DNAH9: variants seen among roughly 807,000 people sequenced by gnomAD.
DNAH9 encodes the protein dynein axonemal heavy chain 9, also known as DNAH9 variant protein.
In DNAH9, 345 loss-of-function variants were observed where a neutral mutation model predicts 471.6. The ratio of observed to expected loss-of-function variants is 0.73; its 90% CI spans 0.67 to 0.80. DNAH9 has a LOEUF of 0.80. Ranked by LOEUF, DNAH9 falls within the 30% of genes least tolerant of loss-of-function variation. The pLI, the probability that DNAH9 is intolerant of heterozygous loss-of-function variation, is 0.00. For missense variants in DNAH9, 5,407 were observed against 5,609.2 expected (o/e 0.96, Z 1.15); for synonymous variants, 2,093 against 2,123.6 (o/e 0.99, Z 0.40).
Position 11,854,218 on chromosome 17 carries a change from C to G in DNAH9, c.9723C>G (p.Ile3241Met). 1 of 1,614,188 alleles carries G rather than the reference C, an allele frequency of 6.2e-7. No individual in the cohort carries two copies. The highest frequency in any genetic ancestry group is 8.5e-7 in the Non-Finnish European group (1 of 1,180,038). ...ENIHENCLKAIRPYLQDPEFN... is the reference protein window; with the variant it reads ...ENIHENCLKAMRPYLQDPEFN... ...TTCACGAGAACTGCCTCAAAGCCAT[C>G]AGGCCGTATCTGCAAGACCCCGAGT... Residue 3241 changes from isoleucine (I) to methionine (M), a missense_variant, in exon 50 of 69, where the codon ATC (isoleucine) becomes ATG (methionine). By Grantham distance (10) the Ile-to-Met change is conservative (BLOSUM62 1). Transcript: ENST00000262442.
At chr17:11,814,920 C>A (rs920881492) in intron 45 of DNAH9, among the ~76,000 whole-genome samples, 1 of 151,672 alleles carries the variant, frequency 6.6e-6, no homozygotes, top group Non-Finnish European at 1.5e-5. Context: ...GCCATCTATG[C>A]TGTTAAATAA....
intron 41 of DNAH9, among the ~76,000 whole-genome samples, chr17:11,791,928 A>C (rs1969080579): frequency 6.6e-6 from 1 of 152,170 alleles, no homozygotes; most frequent in African/African-American, 2.4e-5. Flanking sequence ...TTGCAGGATC[A>C]GAACATAATA....
chr17:11,919,492 C>CT (rs1482187543), intron 61 of DNAH9, among the ~76,000 whole-genome samples: 1 of 62,412 alleles, frequency 1.6e-5, no homozygotes, highest in Non-Finnish European at 3.1e-5. Flanking sequence ...GAGACTCCGT[C>CT]TCAAAAAAAA....
chr17:11,699,815 A>G lies in DNAH9; in HGVS notation c.4957A>G (p.Ser1653Gly). The G allele has an allele frequency of 6.2e-7, 1 of 1,614,068 alleles. No individual in the cohort carries two copies. Among genetic ancestry groups the G allele is most frequent in the Non-Finnish European group, 8.5e-7 (1 of 1,179,872 alleles). Reference protein sequence around the residue: ...LDASGEPTKTSLGMYSKEEEY... With the variant: ...LDASGEPTKTGLGMYSKEEEY... Reference sequence around the variant, plus strand: ...TGCCAGTGGGGAACCAACCAAGACAAGCCTCGGCATGTACAGCAAAGAAGA... The same window carrying G: ...TGCCAGTGGGGAACCAACCAAGACAGGCCTCGGCATGTACAGCAAAGAAGA... The change falls in exon 23 of 69, where the codon AGC becomes GGC. Residue 1653 changes from serine to glycine, a missense_variant. Physicochemically the swap from Ser to Gly is moderately conservative, Grantham distance 56. Transcript: ENST00000262442.
intron 2 of DNAH9, among the ~76,000 whole-genome samples, chr17:11,610,008 A>C (rs527689017): frequency 1.8e-4 from 28 of 152,344 alleles, no homozygotes; most frequent in South Asian, 4.1e-4. Flanking sequence ...TGAAGTCGAG[A>C]GCTTGCTGTC....
At position 11,763,600 on chromosome 17, in the gene DNAH9, A is replaced by G. The variant is rs767363267; in HGVS notation, c.7156A>G (p.Met2386Val). 8.1e-6 allele frequency: 13 copies of G among 1,614,106 alleles called. No individual in the cohort carries two copies. Among genetic ancestry groups the G allele is most frequent in the Admixed American group, 1.7e-5 (1 of 60,024 alleles). The change falls in exon 36 of 69, where the codon ATG becomes GTG. Residue 2386 changes from methionine (M) to valine (V), a missense_variant. Transcript: ENST00000262442. ...FAAIWAFGGA[M>V]VQDQLVDYRA... Reference sequence around the variant, plus strand: ...TGCCATCTGGGCTTTCGGCGGAGCAATGGTCCAAGATCAGGTAAGGAGATA... The same window carrying G: ...TGCCATCTGGGCTTTCGGCGGAGCAGTGGTCCAAGATCAGGTAAGGAGATA...
At chr17:11,820,253 G>T (rs1970261965) in intron 45 of DNAH9, among the ~76,000 whole-genome samples, 1 of 151,752 alleles carries the variant, frequency 6.6e-6, no homozygotes, top group Non-Finnish European at 1.5e-5. Context: ...CCGGGACAGG[G>T]TTTACACTTG....
intron 61 of DNAH9, among the ~76,000 whole-genome samples, chr17:11,914,942 C>G (rs553878177): frequency 1.3e-5 from 2 of 152,298 alleles, no homozygotes; most frequent in South Asian, 4.1e-4. Context: ...TACCAAGTTT[C>G]TCATGCCAGA....
intron 36 of DNAH9, among the ~76,000 whole-genome samples, chr17:11,764,750 A>C (rs558169756): frequency 6.6e-6 from 1 of 152,322 alleles, no homozygotes; most frequent in African/African-American, 2.4e-5. Flanking sequence ...ATCTTACATC[A>C]AATGTTCTTA....
intron 7 of DNAH9, 41 bp downstream of exon 7, chr17:11,629,625 C>G (rs202229711): frequency 1.9e-6 from 3 of 1,584,344 alleles, no homozygotes; most frequent in Non-Finnish European, 1.7e-6. Flanking sequence ...CTGCCTCTGT[C>G]CCGGATGCCT....
At position 11,689,715 on chromosome 17, in the gene DNAH9, A is replaced by C; in HGVS notation, c.3893A>C (p.Glu1298Ala). ...DYKQLRQCRKEVCQLKELWDT... is the reference protein window; with the variant it reads ...DYKQLRQCRKAVCQLKELWDT... ...AAGCAGCTGAGGCAGTGCAGGAAGG[A>C]GGTCTGCCAGCTGAAGGAGCTCTGG... The change falls in exon 20 of 69, where the codon GAG becomes GCG. Residue 1298 changes from glutamate (E) to alanine (A), a missense_variant. Glu to Ala is a moderately radical substitution (Grantham distance 107, BLOSUM62 -1). This residue lies in a region of DNAH9 where 4,636 missense variants were observed against 4,900.3 expected (regional missense o/e 0.95). Coordinates refer to ENST00000262442, the MANE Select transcript of DNAH9 (RefSeq NM_001372.4). The C allele has an allele frequency of 6.2e-7, 1 of 1,614,218 alleles. No homozygotes were observed. The highest frequency in any genetic ancestry group is 8.5e-7 in the Non-Finnish European group (1 of 1,180,028).
At chr17:11,659,702 A>G (rs936366871) in intron 14 of DNAH9, among the ~76,000 whole-genome samples, 6 of 152,120 alleles carry the variant, frequency 3.9e-5, no homozygotes, top group Non-Finnish European at 8.8e-5. Context: ...TCACATCCTC[A>G]TCTTTCTACC....
At position 11,934,470 on chromosome 17, in the gene DNAH9, G is replaced by A. The variant is rs529840121; in HGVS notation, c.12489+399G>A. 3.8e-3 allele frequency among the ~76,000 whole-genome samples: 351 copies of A among 91,732 alleles called. 1 individual carries two copies. Among genetic ancestry groups the A allele is most frequent in the African/African-American group, 0.012 (335 of 27,834 alleles). The allele number at this position is 91,732 out of a possible 152,430, so 60.2% of individuals were successfully genotyped here. A position where few individuals can be genotyped will look rare whatever the true frequency, so the allele number is the denominator to read the frequency against. ...TTTTTTTTTTTTTTTTTTTGAGATG[G>A]AGTCTTGCTCTGGCGCCCAGGCTGG... On this transcript the variant is annotated intron_variant, in intron 65 of 68. Transcript: ENST00000262442.
At chr17:11,680,692 G>A in intron 18 of DNAH9, 31 bp from the exon 19 acceptor site, 1 of 1,608,746 alleles carries the variant, frequency 6.2e-7, no homozygotes. Flanking sequence ...AGCACCTTGG[G>A]AATCTGACCA....
chr17:11,910,544 T>G (rs1402890227), intron 61 of DNAH9, among the ~76,000 whole-genome samples: 2 of 152,184 alleles, frequency 1.3e-5, no homozygotes, highest in Non-Finnish European at 2.9e-5. Context: ...TGTGTGAACA[T>G]AAGTTTCAAT....
chr17:11,640,722 C>T (rs567443723), intron 10 of DNAH9, among the ~76,000 whole-genome samples: 171 of 152,248 alleles, frequency 1.1e-3, no homozygotes, highest in Non-Finnish European at 2.1e-3. Flanking sequence ...CTGCTGAGGC[C>T]ACTGGAAAGT....
chr17:11,805,523 CTTTTTTTTTTTTTTTTTTTTTTTT>C (rs773842478), intron 43 of DNAH9, among the ~76,000 whole-genome samples: 51 of 52,088 alleles, frequency 9.8e-4, no homozygotes, highest in African/African-American at 2.6e-3. Context: ...TACCCGAGTT[CTTTTTTTTTTTTTTTTTTTTTTTT>C]TTTTTTTTTT....
intron 31 of DNAH9, among the ~76,000 whole-genome samples, chr17:11,745,686 A>G (rs1004059592): frequency 1.3e-5 from 2 of 152,230 alleles, no homozygotes; most frequent in African/African-American, 4.8e-5. Context: ...ATTTTAAAAA[A>G]TGATATCCAT....
At chr17:11,762,770 G>GTTTTTTTTGTTTTTTTT (rs1555584658) in intron 35 of DNAH9, among the ~76,000 whole-genome samples, 1 of 90,744 alleles carries the variant, frequency 1.1e-5, no homozygotes, top group African/African-American at 4.1e-5. Context: ...TTTTTTTTTT[G>GTTTTTTTTGTTTTTTTT]TTTTTTTTTT....
Sources: allele counts gnomAD v4.1 joint callset (sites outside exome capture counted in the v4.1 genomes callset), GRCh38; gene constraint gnomAD v4.1.1; regional missense constraint gnomAD v4.1.1; transcripts MANE v1.5; gene names NCBI Gene and HGNC (gene_info 2026-07-23, HGNC 2026-07-21).